ZSWIM8: variants seen among roughly 807,000 people sequenced by gnomAD.
ZSWIM8 encodes zinc finger SWIM domain-containing protein 8.
Under a neutral mutation model 173.7 loss-of-function variants are expected in ZSWIM8, and 27 were observed. That is an observed-to-expected ratio of 0.16 (90% CI 0.11 to 0.21). ZSWIM8 has a LOEUF of 0.21. ZSWIM8 is among the 10% of genes least tolerant of loss of function. The probability of loss-of-function intolerance (pLI) is 1.00; values close to 1 mark genes in which losing one functional copy is unlikely to be tolerated. For missense variants in ZSWIM8, 1,627 were observed against 2,428.8 expected (o/e 0.67, Z 6.94); for synonymous variants, 958 against 962.0 (o/e 1.00, Z 0.08).
At position 73,797,049 on chromosome 10, in the gene ZSWIM8, G is replaced by T. The variant is rs762057470; in HGVS notation, c.3274+35G>T. ...GGGCACTGGGCAGGGGGGATGAATG[G>T]TGTGGACCTATGTTGAGGTCCCCTT... On this transcript the variant is annotated intron_variant, in intron 16 of 25. Coordinates refer to ENST00000604729, the MANE Select transcript of ZSWIM8 (RefSeq NM_001367799.1). The surrounding 1 kb of genome is among the most constrained non-coding windows in gnomAD (Gnocchi z 5.6). 1.9e-6 allele frequency: 3 copies of T among 1,611,652 alleles called. No individual in the cohort carries two copies. The highest frequency in any genetic ancestry group is 3.3e-5 in the Admixed American group (2 of 59,882).
Position 73,800,362 on chromosome 10 carries a change from C to T in ZSWIM8, c.4892C>T (p.Thr1631Ile), listed in dbSNP as rs1192911847. 1.9e-6 allele frequency: 3 copies of T among 1,613,852 alleles called. No individual in the cohort carries two copies. Among genetic ancestry groups the T allele is most frequent in the Non-Finnish European group, 2.5e-6 (3 of 1,179,884 alleles). Residue 1631 changes from threonine (T) to isoleucine (I), a missense_variant, in exon 23 of 26, where the codon ACA becomes ATA. Thr to Ile is a moderately conservative substitution (Grantham distance 89, BLOSUM62 -1). Coordinates refer to ENST00000604729, the MANE Select transcript of ZSWIM8 (RefSeq NM_001367799.1). The surrounding 1 kb of genome is among the most constrained non-coding windows in gnomAD (Gnocchi z 4.1). The stretch of plus-strand genomic sequence containing the variant: ...GGTGCCTCACTGCCTGCCCTGACCA[C>T]ACAGCCCAGCCCTCTGGTGAGCGGA... ...IQGASLPALTTQPSPLVSGGF... is the reference protein window; with the variant it reads ...IQGASLPALTIQPSPLVSGGF...
chr10:73,789,262 C>T lies in ZSWIM8; in HGVS notation c.457+72C>T, dbSNP rs774862043. On this transcript the variant is annotated intron_variant, in intron 3 of 25. Transcript: ENST00000604729. This position sits in a 1 kb window ranked among gnomAD's most constrained non-coding sequence, Gnocchi z 6.8. Reference sequence around the variant, plus strand: ...CCTGGCTTATGAAGTAAGAACACACCGCAAGAAGCTGGAGCATGTTGTCTG... The same window carrying T: ...CCTGGCTTATGAAGTAAGAACACACTGCAAGAAGCTGGAGCATGTTGTCTG... 3.7e-5 allele frequency: 59 copies of T among 1,605,816 alleles called. No individual in the cohort carries two copies. The South Asian group carries it at 4.0e-4, about 11-fold the overall frequency.
Position 73,798,465 on chromosome 10 carries a change from GGCAA to G in ZSWIM8, c.4176+13_4176+16del, listed in dbSNP as rs746747385. The stretch of plus-strand genomic sequence containing the variant: ...AGTGCAAGGAACAGGTATTTCTACG[GGCAA>G]TCTGGGAACCTCTTCTGGGGCATCT... On this transcript the variant is annotated intron_variant, in intron 20 of 25. Transcript: ENST00000604729. The G allele has an allele frequency of 1.2e-6, 2 of 1,608,000 alleles. No homozygotes were observed. The highest frequency in any genetic ancestry group is 2.2e-5 in the South Asian group (2 of 90,822).
At position 73,785,633 on chromosome 10, in the gene ZSWIM8, C is replaced by G. The variant is rs1187138065; in HGVS notation, c.-246C>G. Reference sequence around the variant, plus strand: ...CCGCCTAGAGGCCCCAGCCGCCGAGCGCTTCGTCCCGGCCCTAAGTCTCGG... The same window carrying G: ...CCGCCTAGAGGCCCCAGCCGCCGAGGGCTTCGTCCCGGCCCTAAGTCTCGG... On this transcript the variant is annotated 5_prime_UTR_variant, in exon 1 of 26. Transcript: ENST00000604729. 3 of 581,214 alleles carry G rather than the reference C, an allele frequency of 5.2e-6. No individual in the cohort carries two copies. Among genetic ancestry groups the G allele is most frequent in the African/African-American group, 3.9e-5 (2 of 51,264 alleles). 36.0% of individuals were successfully genotyped at this position (581,214 alleles called of 1,614,324 possible).
Position 73,792,620 on chromosome 10 carries a change from G to C in ZSWIM8, c.2081G>C (p.Gly694Ala). The change falls in exon 10 of 26, where the codon GGG (glycine) becomes GCG (alanine). Residue 694 changes from glycine (G) to alanine (A), a missense_variant. By Grantham distance (60) the Gly-to-Ala change is moderately conservative (BLOSUM62 0). Transcript: ENST00000604729. This position sits in a 1 kb window ranked among gnomAD's most constrained non-coding sequence, Gnocchi z 4.3. The stretch of plus-strand genomic sequence containing the variant: ...GTTGGCCCCCCTGGCCTACTGCCTG[G>C]GGATGTCTGTACCCAGGACGACCTC... ...ASVGPPGLLP[G>A]DVCTQDDLPS... is the part of the protein sequence containing the mutation. 1 of 1,613,966 alleles carries C rather than the reference G, an allele frequency of 6.2e-7. No homozygotes were observed.
intron 7 of ZSWIM8, 42 bp from the exon 8 acceptor site, chr10:73,790,933 C>T: frequency 1.3e-6 from 2 of 1,551,448 alleles, no homozygotes; most frequent in Non-Finnish European, 1.8e-6. Context: ...TTCATTCAGC[C>T]CCGTCTTACT....
At position 73,789,560 on chromosome 10, in the gene ZSWIM8, C is replaced by T; in HGVS notation, c.630+21C>T. On this transcript the variant is annotated intron_variant, in intron 4 of 25. Coordinates refer to ENST00000604729, the MANE Select transcript of ZSWIM8 (RefSeq NM_001367799.1). This position sits in a 1 kb window ranked among gnomAD's most constrained non-coding sequence, Gnocchi z 6.8. ...ACAACGTGAGGCCCTCCCAATTTATCCCGGCCCTATCCTACACTCCATCCC... is the reference window on the plus strand; with the variant it reads ...ACAACGTGAGGCCCTCCCAATTTATTCCGGCCCTATCCTACACTCCATCCC... 1.2e-6 allele frequency: 2 copies of T among 1,608,618 alleles called. No individual in the cohort carries two copies. Among genetic ancestry groups the T allele is most frequent in the Non-Finnish European group, 1.7e-6 (2 of 1,178,232 alleles).
chr10:73,785,758 C>A lies in ZSWIM8; in HGVS notation c.-121C>A. 2 of 1,085,528 alleles carry A rather than the reference C, an allele frequency of 1.8e-6. No homozygotes were observed. The highest frequency in any genetic ancestry group is 2.7e-6 in the Non-Finnish European group (2 of 751,946). 67.2% of individuals were successfully genotyped at this position (1,085,528 alleles called of 1,614,324 possible). Reference sequence around the variant, plus strand: ...TCTCGCCCGGCACGGCCGCCCTGAGCGCCCCGGCCACCCCCAGCCCCGGCT... The same window carrying A: ...TCTCGCCCGGCACGGCCGCCCTGAGAGCCCCGGCCACCCCCAGCCCCGGCT... On this transcript the variant is annotated 5_prime_UTR_variant, in exon 1 of 26. Coordinates refer to ENST00000604729, the MANE Select transcript of ZSWIM8 (RefSeq NM_001367799.1).
Position 73,794,343 on chromosome 10 carries a change from A to T in ZSWIM8, c.2809+13A>T. 1.9e-6 allele frequency: 3 copies of T among 1,612,058 alleles called. No homozygotes were observed. The highest frequency in any genetic ancestry group is 1.7e-4 in the Middle Eastern group (1 of 5,984). On this transcript the variant is annotated intron_variant, in intron 13 of 25. Coordinates refer to ENST00000604729, the MANE Select transcript of ZSWIM8 (RefSeq NM_001367799.1). Reference sequence around the variant, plus strand: ...CTCTGTGCTCCAGGTATGATGCCTGACCCTACAGTAAGTGGGGAACTGGGG... The same window carrying T: ...CTCTGTGCTCCAGGTATGATGCCTGTCCCTACAGTAAGTGGGGAACTGGGG...
Position 73,800,881 on chromosome 10 carries a change from G to A in ZSWIM8, c.5122+122G>A. On this transcript the variant is annotated intron_variant, in intron 24 of 25. Coordinates refer to ENST00000604729, the MANE Select transcript of ZSWIM8 (RefSeq NM_001367799.1). The surrounding 1 kb of genome is among the most constrained non-coding windows in gnomAD (Gnocchi z 4.1). ...AGGCCTTGGTCGGGTATGTGTGCGTGCGCGGGGGGCGGAGGGTTACCTCAG... is the reference window on the plus strand; with the variant it reads ...AGGCCTTGGTCGGGTATGTGTGCGTACGCGGGGGGCGGAGGGTTACCTCAG... The A allele has an allele frequency of 7.6e-6, 9 of 1,178,984 alleles. No homozygotes were observed. Among genetic ancestry groups the A allele is most frequent in the Non-Finnish European group, 1.1e-5 (9 of 836,348 alleles). The allele number at this position is 1,178,984 out of a possible 1,614,324, so 73.0% of individuals were successfully genotyped here.
Position 73,795,596 on chromosome 10 carries a change from G to T in ZSWIM8, c.2966G>T (p.Arg989Leu). ...CCCCTCTTATGTGAAGGCACACGTC[G>T]GGAGAAGGGTGACCTGGCATTAGCA... ...EHPLLCEGTR[R>L]EKGDLALALM... The change falls in exon 15 of 26, where the codon CGG becomes CTG. Residue 989 changes from arginine to leucine, a missense_variant. By Grantham distance (102) the Arg-to-Leu change is moderately radical. Transcript: ENST00000604729. 1 of 1,613,886 alleles carries T rather than the reference G, an allele frequency of 6.2e-7. No individual in the cohort carries two copies. Among genetic ancestry groups the T allele is most frequent in the Non-Finnish European group, 8.5e-7 (1 of 1,179,852 alleles).
At position 73,800,793 on chromosome 10, in the gene ZSWIM8, C is replaced by G. The variant is rs763885755; in HGVS notation, c.5122+34C>G. On this transcript the variant is annotated intron_variant, in intron 24 of 25. Transcript: ENST00000604729. This position sits in a 1 kb window ranked among gnomAD's most constrained non-coding sequence, Gnocchi z 4.1. ...TCCCCTCCCTAGGACCATTGCCCCC[C>G]CCCCACCTGCTCTCCCCACCTTCCT... The G allele has an allele frequency of 1.9e-5, 28 of 1,477,834 alleles. No individual in the cohort carries two copies. In the East Asian group the frequency reaches 2.0e-4, roughly 11 times the overall value. 91.5% of individuals were successfully genotyped at this position (1,477,834 alleles called of 1,614,324 possible).
rs754630662 is a variant in ZSWIM8, at chr10:73,797,004, G to C, written c.3264G>C (p.Lys1088Asn). 52 of 1,610,430 alleles carry C rather than the reference G, an allele frequency of 3.2e-5. No individual in the cohort carries two copies. Among genetic ancestry groups the C allele is most frequent in the Non-Finnish European group, 4.0e-5 (47 of 1,177,462 alleles). The change falls in exon 16 of 26, where the codon AAG (lysine) becomes AAC (asparagine). Residue 1088 changes from lysine (K) to asparagine (N), a missense_variant. By Grantham distance (94) the Lys-to-Asn change is moderately conservative. Around this residue, in one of 18 missense-constraint regions of ZSWIM8, gnomAD observed 163 missense variants for 193.2 expected, o/e 0.84. Transcript: ENST00000604729. This position sits in a 1 kb window ranked among gnomAD's most constrained non-coding sequence, Gnocchi z 5.6. ...GPGPTEGFTE[K>N]NVPESSPHSP... is the part of the protein sequence containing the mutation. Reference sequence around the variant, plus strand: ...GCCCCACTGAGGGCTTCACAGAGAAGAATGTGCCTGGTGAGGTGGGGGCAC... The same window carrying C: ...GCCCCACTGAGGGCTTCACAGAGAACAATGTGCCTGGTGAGGTGGGGGCAC...
chr10:73,790,804 G>A (rs1292156013), intron 7 of ZSWIM8, among the ~76,000 whole-genome samples, 171 bp from the exon 8 acceptor site: 3 of 152,076 alleles, frequency 2.0e-5, no homozygotes, highest in African/African-American at 7.2e-5. Flanking sequence ...AGGTGAGATC[G>A]CGCCATTGCA....
At position 73,792,166 on chromosome 10, in the gene ZSWIM8, A is replaced by G. The variant is rs1483068861; in HGVS notation, c.1627A>G (p.Lys543Glu). 6.5e-7 allele frequency: 1 copy of G among 1,528,854 alleles called. No homozygotes were observed. Among genetic ancestry groups the G allele is most frequent in the Non-Finnish European group, 8.8e-7 (1 of 1,138,934 alleles). The allele number at this position is 1,528,854 out of a possible 1,614,324, so 94.7% of individuals were successfully genotyped here. A position where few individuals can be genotyped will look rare whatever the true frequency, so the allele number is the denominator to read the frequency against. ...PLPTEPAVRPKEPGTKRKGLG... is the reference protein window; with the variant it reads ...PLPTEPAVRPEEPGTKRKGLG... ...TCCTACTGAGCCAGCTGTGCGGCCC[A>G]AGGAGCCTGGGACCAAGCGAAAGGG... The change falls in exon 10 of 26, where the codon AAG (lysine) becomes GAG (glutamate). Residue 543 changes from lysine to glutamate, a missense_variant. Physicochemically the swap from Lys to Glu is moderately conservative, Grantham distance 56. This residue lies in a region of ZSWIM8 where 383 missense variants were observed against 394.8 expected (regional missense o/e 0.97). Transcript: ENST00000604729. The surrounding 1 kb of genome is among the most constrained non-coding windows in gnomAD (Gnocchi z 4.3).
chr10:73,788,488 A>G (rs12098696), intron 1 of ZSWIM8, among the ~76,000 whole-genome samples, 182 bp from the exon 2 acceptor site: 8 of 152,040 alleles, frequency 5.3e-5, no homozygotes, highest in African/African-American at 1.5e-4. Flanking sequence ...CCCCTTTCCC[A>G]TATGGAGCCT....
Position 73,791,227 on chromosome 10 carries a change from C to T in ZSWIM8, c.1143+51C>T, listed in dbSNP as rs1198007838. The T allele has an allele frequency of 6.4e-7, 1 of 1,567,578 alleles. No individual in the cohort carries two copies. Among genetic ancestry groups the T allele is most frequent in the Non-Finnish European group, 8.7e-7 (1 of 1,150,846 alleles). On this transcript the variant is annotated intron_variant, in intron 8 of 25. Coordinates refer to ENST00000604729, the MANE Select transcript of ZSWIM8 (RefSeq NM_001367799.1). This position sits in a 1 kb window ranked among gnomAD's most constrained non-coding sequence, Gnocchi z 6.0. ...CGTGGTAGCTCATTCTTTCCCTCCC[C>T]CTGCCTCATCCTCCTCTTGCTGAAA... is the stretch of plus-strand genomic sequence containing the variant.
At position 73,799,313 on chromosome 10, in the gene ZSWIM8, A is replaced by G; in HGVS notation, c.4488A>G (p.Leu1496=). The G allele has an allele frequency of 1.2e-6, 2 of 1,607,508 alleles. No individual in the cohort carries two copies. The highest frequency in any genetic ancestry group is 1.7e-6 in the Non-Finnish European group (2 of 1,177,152). ...VVPVISVGSS[L]YPGPGLGHGH... ...CCGTCATATCGGTGGGGTCTAGTTTATACCCGGGTCCAGGACTGGGGCATG... is the reference window on the plus strand; with the variant it reads ...CCGTCATATCGGTGGGGTCTAGTTTGTACCCGGGTCCAGGACTGGGGCATG... Residue 1496 remains leucine (L), a synonymous_variant, in exon 21 of 26, where the codon TTA becomes TTG. Coordinates refer to ENST00000604729, the MANE Select transcript of ZSWIM8 (RefSeq NM_001367799.1).
chr10:73,788,212 T>C (rs1236135967), intron 1 of ZSWIM8, among the ~76,000 whole-genome samples: 1 of 147,688 alleles, frequency 6.8e-6, no homozygotes, highest in Admixed American at 6.8e-5. Context: ...GCTGGGGGCC[T>C]ACAGTCATCT....
Sources: allele counts gnomAD v4.1 joint callset (sites outside exome capture counted in the v4.1 genomes callset), GRCh38; gene constraint gnomAD v4.1.1; regional missense constraint gnomAD v4.1.1; non-coding constraint Gnocchi (gnomAD v3.1); transcripts MANE v1.5; gene names NCBI Gene and HGNC (gene_info 2026-07-23, HGNC 2026-07-21).